ADAMTS16: variants seen among roughly 807,000 people sequenced by gnomAD.
ADAMTS16 encodes A disintegrin and metalloproteinase with thrombospondin motifs 16.
A neutral mutation model predicts 145.8 loss-of-function variants in ADAMTS16; 94 were observed. The observed-to-expected ratio is 0.64, with a 90% CI of 0.55 to 0.77. The LOEUF (loss-of-function observed/expected upper bound fraction) is 0.77, where lower values mean the gene tolerates loss of function less well. Among genes scored for constraint, ADAMTS16 ranks in the 30% least tolerant of loss-of-function variants. ADAMTS16 has a pLI of 0.00. For synonymous variants in ADAMTS16, 659 were observed against 604.3 expected, an observed-to-expected ratio of 1.09 and a Z score of -1.33; for missense variants, 1,585 against 1,591.5, an observed-to-expected ratio of 1.00 and a Z score of 0.07.
chr5:5,200,025 G>A lies in ADAMTS16; in HGVS notation c.1314-107G>A, dbSNP rs189404246. The A allele has an allele frequency of 9.3e-4, 1,231 of 1,317,788 alleles. 6 individuals are homozygous for A. The highest frequency in any genetic ancestry group is 7.3e-3 in the African/African-American group (490 of 67,208). The allele number at this position is 1,317,788 out of a possible 1,614,324, so 81.6% of individuals were successfully genotyped here. A position where few individuals can be genotyped will look rare whatever the true frequency, so the allele number is the denominator to read the frequency against. On this transcript the variant is annotated intron_variant, in intron 8 of 22. Coordinates refer to ENST00000274181, the MANE Select transcript of ADAMTS16 (RefSeq NM_139056.4). Reference sequence around the variant, plus strand: ...TTTATTTTTGCCTGCCTAGCATATAGGGGTGAGGGAGTCTCACAGTCTTGA... The same window carrying A: ...TTTATTTTTGCCTGCCTAGCATATAAGGGTGAGGGAGTCTCACAGTCTTGA...
intron 21 of ADAMTS16, among the ~76,000 whole-genome samples, chr5:5,309,548 T>C (rs1309953856): frequency 1.3e-5 from 2 of 152,198 alleles, no homozygotes; most frequent in Non-Finnish European, 2.9e-5. Flanking sequence ...GCTACTAATA[T>C]TCCGTCTTTA....
chr5:5,299,620 G>A (rs549328031), intron 18 of ADAMTS16, among the ~76,000 whole-genome samples: 1 of 152,248 alleles, frequency 6.6e-6, no homozygotes, highest in South Asian at 2.1e-4. Context: ...GGAAATCCTG[G>A]GTAGACCGTT....
chr5:5,141,703 G>A (rs149712755), intron 2 of ADAMTS16, among the ~76,000 whole-genome samples: 12 of 152,194 alleles, frequency 7.9e-5, no homozygotes, highest in African/African-American at 2.9e-4. Flanking sequence ...GAATTTCTCA[G>A]TATAGTTATT....
intron 18 of ADAMTS16, among the ~76,000 whole-genome samples, chr5:5,294,950 G>C (rs1487368452): frequency 1.3e-5 from 2 of 152,108 alleles, no homozygotes; most frequent in African/African-American, 4.8e-5. Context: ...GTCAATACCA[G>C]ACAGAAGAGA....
At chr5:5,261,283 G>A (rs1336455838) in intron 17 of ADAMTS16, among the ~76,000 whole-genome samples, 1 of 151,888 alleles carries the variant, frequency 6.6e-6, no homozygotes, top group African/African-American at 2.4e-5. Context: ...GACTACAGGT[G>A]CATGCCGCCA....
At chr5:5,273,725 T>C (rs1243993989) in intron 18 of ADAMTS16, among the ~76,000 whole-genome samples, 1 of 152,242 alleles carries the variant, frequency 6.6e-6, no homozygotes, top group African/African-American at 2.4e-5. Context: ...GCTTGAAATG[T>C]ATTTAAGCAG....
Position 5,190,049 on chromosome 5 carries a change from G to A in ADAMTS16, c.1126G>A (p.Asp376Asn), listed in dbSNP as rs1340193210. 1.2e-6 allele frequency: 2 copies of A among 1,613,440 alleles called. No individual in the cohort carries two copies. Among genetic ancestry groups the A allele is most frequent in the African/African-American group, 1.3e-5 (1 of 75,034 alleles). The change falls in exon 7 of 23, where the codon GAT becomes AAT. Residue 376 changes from aspartate (D) to asparagine (N), a missense_variant. By Grantham distance (23) the Asp-to-Asn change is conservative (BLOSUM62 1). Coordinates refer to ENST00000274181, the MANE Select transcript of ADAMTS16 (RefSeq NM_139056.4). ...CQWQSGLMGK[D>N]GTRHDHAILL... The stretch of plus-strand genomic sequence containing the variant: ...GTGGCAGTCTGGATTGATGGGGAAA[G>A]ATGGGACTCGTCATGACCACGCCAT...
At position 5,317,648 on chromosome 5, in the gene ADAMTS16, T is replaced by G. The variant is rs2964479; in HGVS notation, c.3412-486T>G. On this transcript the variant is annotated intron_variant, in intron 21 of 22. Coordinates refer to ENST00000274181, the MANE Select transcript of ADAMTS16 (RefSeq NM_139056.4). The surrounding 1 kb of genome is among the most constrained non-coding windows in gnomAD (Gnocchi z 4.5). ...CCTGACCTCAGGTGATCCACCCGCC[T>G]CAGCCTCCCAAAGTGCTGGGATTAC... 0.13 allele frequency among the ~76,000 whole-genome samples: 19,163 copies of G among 152,148 alleles called. 1,440 individuals carry two copies. Among genetic ancestry groups the G allele is most frequent in the Middle Eastern group, 0.19 (55 of 294 alleles).
chr5:5,181,632 T>C (rs376396157), intron 3 of ADAMTS16, among the ~76,000 whole-genome samples: 3 of 152,240 alleles, frequency 2.0e-5, no homozygotes, highest in Non-Finnish European at 2.9e-5. Flanking sequence ...CATTACCCTA[T>C]TAGGATTCTA....
chr5:5,306,395 T>C (rs1740153668), intron 20 of ADAMTS16, 109 bp from the exon 21 acceptor site: 4 of 930,388 alleles, frequency 4.3e-6, no homozygotes, highest in South Asian at 1.6e-5. Context: ...TTTCACTGAA[T>C]GTTCACACTT....
intron 9 of ADAMTS16, among the ~76,000 whole-genome samples, chr5:5,207,155 A>G (rs953990899): frequency 1.3e-5 from 2 of 152,228 alleles, no homozygotes; most frequent in African/African-American, 4.8e-5. Flanking sequence ...TAATCTCCTG[A>G]CAAGATTGAG....
At chr5:5,281,404 A>G (rs879544724) in intron 18 of ADAMTS16, among the ~76,000 whole-genome samples, 46 of 152,378 alleles carry the variant, frequency 3.0e-4, no homozygotes, top group Non-Finnish European at 6.3e-4. Context: ...TCAAATTTAA[A>G]GTAATCAAAA....
chr5:5,222,721 G>A, intron 10 of ADAMTS16, 68 bp from the exon 11 acceptor site: 2 of 1,299,132 alleles, frequency 1.5e-6, no homozygotes, highest in Non-Finnish European at 2.2e-6. Context: ...ATCTCTCAGT[G>A]ATATTTTTAT....
chr5:5,160,362 A>C (rs2126525539), intron 3 of ADAMTS16, among the ~76,000 whole-genome samples: 1 of 152,276 alleles, frequency 6.6e-6, no homozygotes, highest in African/African-American at 2.4e-5. Context: ...TGCCTTCAGT[A>C]GTTCAGTATA....
chr5:5,288,370 C>T (rs1231310830), intron 18 of ADAMTS16, among the ~76,000 whole-genome samples: 3 of 152,128 alleles, frequency 2.0e-5, no homozygotes, highest in Non-Finnish European at 4.4e-5. Flanking sequence ...GTAGGCTTTC[C>T]CTAGAATGCC....
chr5:5,205,223 C>A (rs12188811), intron 9 of ADAMTS16, among the ~76,000 whole-genome samples: 2 of 151,114 alleles, frequency 1.3e-5, no homozygotes, highest in Non-Finnish European at 2.9e-5. Flanking sequence ...TTTAATGGTG[C>A]CTTTTGCTAA....
Position 5,182,059 on chromosome 5 carries a change from A to G in ADAMTS16, c.517A>G (p.Thr173Ala). 6.2e-7 allele frequency: 1 copy of G among 1,609,710 alleles called. No individual in the cohort carries two copies. Among genetic ancestry groups the G allele is most frequent in the East Asian group, 2.2e-5 (1 of 44,820 alleles). Residue 173 changes from threonine (T) to alanine (A), a missense_variant, in exon 4 of 23, where the codon ACA (threonine) becomes GCA (alanine). Transcript: ENST00000274181. ...TTTTTTCCAGTCAGGCATGATACGAACAGAAGAGGCAGATTACTTCCTAAG... is the reference window on the plus strand; with the variant it reads ...TTTTTTCCAGTCAGGCATGATACGAGCAGAAGAGGCAGATTACTTCCTAAG... ...TCQGLSGMIR[T>A]EEADYFLRPL...
intron 10 of ADAMTS16, among the ~76,000 whole-genome samples, chr5:5,214,058 G>A (rs1186163222): frequency 6.6e-6 from 1 of 152,234 alleles, no homozygotes; most frequent in African/African-American, 2.4e-5. Flanking sequence ...CAACAGCGGG[G>A]TCTGCAAAGT....
At chr5:5,191,873 C>T in intron 8 of ADAMTS16, 83 bp downstream of exon 8, 1 of 1,038,720 alleles carries the variant, frequency 9.6e-7, no homozygotes, top group South Asian at 1.4e-5. Context: ...CTCATCAAGT[C>T]AAGTCCATGA....
Sources: allele counts gnomAD v4.1 joint callset (sites outside exome capture counted in the v4.1 genomes callset), GRCh38; gene constraint gnomAD v4.1.1; non-coding constraint Gnocchi (gnomAD v3.1); transcripts MANE v1.5; gene names NCBI Gene and HGNC (gene_info 2026-07-23, HGNC 2026-07-21).